The following UVRAG variants were observed in gnomAD, a reference collection of about 807,000 sequenced individuals.
UVRAG encodes the protein UV radiation resistance-associated gene protein.
A neutral mutation model predicts 78.0 loss-of-function variants in UVRAG; 19 were observed. The observed-to-expected ratio is 0.24, with a 90% CI of 0.17 to 0.36. The LOEUF (loss-of-function observed/expected upper bound fraction) is 0.36. Ranked by LOEUF, UVRAG falls within the 10% of genes least tolerant of loss-of-function variation. The pLI, the probability that UVRAG is intolerant of heterozygous loss-of-function variation, is 1.00. For missense variants in UVRAG, 740 were observed against 853.8 expected, an observed-to-expected ratio of 0.87 and a Z score of 1.66; for synonymous variants, 323 against 324.6, an observed-to-expected ratio of 1.00 and a Z score of 0.05.
At chr11:76,008,896 T>G (rs773571827) in intron 11 of UVRAG, 29 bp downstream of exon 11, 1 of 1,241,808 alleles carries the variant, frequency 8.1e-7, no homozygotes, top group Non-Finnish European at 1.1e-6. Context: ...TGAAGATTTG[T>G]TATATATTAA....
At chr11:75,853,682 A>G (rs1946212986) in intron 2 of UVRAG, among the ~76,000 whole-genome samples, 2 of 152,026 alleles carry the variant, frequency 1.3e-5, no homozygotes, top group Non-Finnish European at 2.9e-5. Flanking sequence ...AAAGGACTCT[A>G]AATTCCACTA....
In UVRAG at chr11:76,010,867, C is replaced by T. The variant is rs558823895; in HGVS notation, c.1060+2000C>T. Among the ~76,000 whole-genome samples, 12 of 152,130 alleles carry T rather than the reference C, an allele frequency of 7.9e-5. No homozygotes were observed. The South Asian group carries it at 2.1e-3, about 26-fold the overall frequency. On this transcript the variant is annotated intron_variant, in intron 11 of 14. Coordinates refer to ENST00000356136, the MANE Select transcript of UVRAG (RefSeq NM_003369.4). ...GAGAGGGCAGCCAGGGCCTTGAGGT[C>T]ACTATAAGGAGTTGATATTTTATTC...
chr11:75,975,138 C>T (rs1949210592), intron 7 of UVRAG, among the ~76,000 whole-genome samples: 2 of 152,116 alleles, frequency 1.3e-5, no homozygotes, highest in South Asian at 2.1e-4. Flanking sequence ...AATAGGATTT[C>T]TTGTTTTTGT....
chr11:75,898,279 G>A (rs1469943859), intron 5 of UVRAG, among the ~76,000 whole-genome samples: 1 of 152,172 alleles, frequency 6.6e-6, no homozygotes, highest in Non-Finnish European at 1.5e-5. Flanking sequence ...AAGAAATTGA[G>A]TCACAGAGGG....
intron 3 of UVRAG, among the ~76,000 whole-genome samples, chr11:75,870,337 T>C (rs1946622823): frequency 6.6e-6 from 1 of 152,198 alleles, no homozygotes; most frequent in South Asian, 2.1e-4. Flanking sequence ...TTCAAAAAAC[T>C]TCCCTGTCCT....
intron 6 of UVRAG, among the ~76,000 whole-genome samples, chr11:75,914,942 TAAAACCA>T (rs1200102964): frequency 6.6e-6 from 1 of 151,896 alleles, no homozygotes; most frequent in African/African-American, 2.4e-5. Flanking sequence ...TTGGAGCACC[TAAAACCA>T]GGTGCTCCTT....
chr11:76,137,312 T>C (rs1417976197), intron 14 of UVRAG: 1 of 455,204 alleles, frequency 2.2e-6, no homozygotes, highest in South Asian at 1.6e-5. Context: ...ACGCCAGGCT[T>C]ACCTCCAGAC....
rs546085137 is a variant in UVRAG, at chr11:76,076,953, G to A, written c.1305+11165G>A. Among the ~76,000 whole-genome samples the A allele has an allele frequency of 3.0e-3, 450 of 150,580 alleles. 2 individuals are homozygous for A. Among genetic ancestry groups the A allele is most frequent in the Non-Finnish European group, 5.4e-3 (363 of 67,776 alleles). ...AATCACCTGAGTCCAGGAGGTCAAG[G>A]CTGCAGTGAGCTGTGATTGTACCAT... On this transcript the variant is annotated intron_variant, in intron 13 of 14. Transcript: ENST00000356136.
chr11:76,013,620 CCT>C (rs1950094049), intron 11 of UVRAG, among the ~76,000 whole-genome samples: 1 of 152,122 alleles, frequency 6.6e-6, no homozygotes, highest in African/African-American at 2.4e-5. Context: ...ATGCTGGAAA[CCT>C]TAAACCTTTT....
intron 1 of UVRAG, among the ~76,000 whole-genome samples, chr11:75,823,045 T>G (rs2135805798): frequency 6.6e-6 from 1 of 152,266 alleles, no homozygotes; most frequent in East Asian, 1.9e-4. Context: ...TAGGAAACGC[T>G]GAGGGACTAG....
chr11:76,124,806 A>G (rs1433541134), intron 14 of UVRAG, among the ~76,000 whole-genome samples: 1 of 152,262 alleles, frequency 6.6e-6, no homozygotes, highest in Non-Finnish European at 1.5e-5. Context: ...ATAGCTTTAA[A>G]TAAAAGTATT....
intron 12 of UVRAG, among the ~76,000 whole-genome samples, chr11:76,019,604 T>TTGG (rs1950204918): frequency 6.6e-6 from 1 of 152,220 alleles, no homozygotes; most frequent in East Asian, 1.9e-4. Context: ...GAGGTACCAC[T>TTGG]TGGTGGTCTT....
intron 13 of UVRAG, among the ~76,000 whole-genome samples, chr11:76,066,681 G>A (rs1951193963): frequency 6.6e-6 from 1 of 152,024 alleles, no homozygotes; most frequent in South Asian, 2.1e-4. Flanking sequence ...ACCGTGTTAG[G>A]CAGATGGTCT....
At chr11:76,069,187 C>T (rs879436897) in intron 13 of UVRAG, among the ~76,000 whole-genome samples, 2 of 152,182 alleles carry the variant, frequency 1.3e-5, no homozygotes, top group Admixed American at 1.3e-4. Context: ...GTTTTGAAAG[C>T]ACAAGCTTAG....
intron 12 of UVRAG, among the ~76,000 whole-genome samples, chr11:76,040,196 A>C (rs796508478): frequency 2.0e-5 from 3 of 152,286 alleles, no homozygotes; most frequent in African/African-American, 7.2e-5. Flanking sequence ...AAAGTATGCA[A>C]ATAACAGCAC....
chr11:75,962,174 A>G (rs2135206273), intron 7 of UVRAG, among the ~76,000 whole-genome samples: 2 of 152,218 alleles, frequency 1.3e-5, no homozygotes, highest in Non-Finnish European at 2.9e-5. Flanking sequence ...GGGTATGAAT[A>G]GCTTTTGAGG....
chr11:75,815,380 C>G lies in UVRAG; in HGVS notation c.-28C>G, dbSNP rs1229733604. The G allele has an allele frequency of 3.4e-6, 4 of 1,179,286 alleles. No individual in the cohort carries two copies. The East Asian group carries it at 9.6e-5, about 28-fold the overall frequency. The allele number at this position is 1,179,286 out of a possible 1,614,324, so 73.1% of individuals were successfully genotyped here. On this transcript the variant is annotated 5_prime_UTR_variant, in exon 1 of 15. Transcript: ENST00000356136. ...CGGCGGATGCCGGAAGAGTGCCCGC[C>G]CCGCCGCTTGGCGGCCCCTGGATCG...
intron 2 of UVRAG, among the ~76,000 whole-genome samples, 188 bp downstream of exon 2, chr11:75,852,188 G>A (rs1159486675): frequency 6.6e-6 from 1 of 152,170 alleles, no homozygotes; most frequent in Admixed American, 6.5e-5. Context: ...AGTTCTTTCA[G>A]ATAACTGAGC....
chr11:75,840,163 T>C (rs1046086417), intron 1 of UVRAG, among the ~76,000 whole-genome samples: 7 of 152,164 alleles, frequency 4.6e-5, no homozygotes, highest in Non-Finnish European at 8.8e-5. Flanking sequence ...TTTGATCTTA[T>C]GTTTCTAAAT....
Sources: allele counts gnomAD v4.1 joint callset (sites outside exome capture counted in the v4.1 genomes callset), GRCh38; gene constraint gnomAD v4.1.1; transcripts MANE v1.5; gene names NCBI Gene and HGNC (gene_info 2026-07-23, HGNC 2026-07-21).